TMEM255B: variants seen among roughly 807,000 people sequenced by gnomAD.
TMEM255B encodes the protein transmembrane protein 255B, also known as family with sequence similarity 70, member B.
A neutral mutation model predicts 34.5 loss-of-function variants in TMEM255B; 35 were observed. That is an observed-to-expected ratio of 1.01 (90% CI 0.77 to 1.34). The LOEUF is 1.34. Ranked by LOEUF, TMEM255B falls within the 40% of genes most tolerant of loss-of-function variation. TMEM255B has a pLI of 0.00. For missense variants in TMEM255B, 432 were observed against 433.2 expected (o/e 1.00, Z 0.02); for synonymous variants, 206 against 201.2 (o/e 1.02, Z -0.20).
At chr13:113,762,862 A>G (rs1462248989) in intron 1 of TMEM255B, among the ~76,000 whole-genome samples, 1 of 152,270 alleles carries the variant, frequency 6.6e-6, no homozygotes, top group Non-Finnish European at 1.5e-5. Context: ...TTTGAGCATA[A>G]TATTATATGC....
intron 3 of TMEM255B, among the ~76,000 whole-genome samples, chr13:113,792,612 G>A (rs538707923): frequency 6.6e-6 from 1 of 152,378 alleles, no homozygotes; most frequent in East Asian, 1.9e-4. Flanking sequence ...GGGGTCAGCT[G>A]TTCAAGAGGG....
At chr13:113,762,106 A>G (rs1366416940) in intron 1 of TMEM255B, among the ~76,000 whole-genome samples, 1 of 1,506 alleles carries the variant, frequency 6.6e-4, no homozygotes, top group East Asian at 0.029. Context: ...CCGGGACAGG[A>G]AAAAAAAAAA....
At chr13:113,811,214 TG>T (rs1345832425) in intron 8 of TMEM255B, among the ~76,000 whole-genome samples, 12 of 8,112 alleles carry the variant, frequency 1.5e-3, no homozygotes, top group Non-Finnish European at 2.1e-3. Context: ...CCTGGATCTG[TG>T]GGGGGGGCCG....
chr13:113,767,416 A>G (rs1023022683), intron 2 of TMEM255B, among the ~76,000 whole-genome samples: 18 of 152,242 alleles, frequency 1.2e-4, no homozygotes, highest in African/African-American at 3.9e-4. Flanking sequence ...CAGAAAGGGG[A>G]GCCCAGAGGG....
rs760431839 is a variant in TMEM255B, at chr13:113,801,783, G to A, written c.640G>A (p.Ala214Thr). ...VLGLFLGIIT[A>T]AVLGAFKDMV... ...GGGCCTGTTCCTGGGCATCATCACCGCCGCCGTCCTGGGGGCCTTCAAGGA... is the reference window on the plus strand; with the variant it reads ...GGGCCTGTTCCTGGGCATCATCACCACCGCCGTCCTGGGGGCCTTCAAGGA... Residue 214 changes from alanine to threonine, a missense_variant, in exon 7 of 9, where the codon GCC becomes ACC. Coordinates refer to ENST00000375353, the MANE Select transcript of TMEM255B (RefSeq NM_182614.4). 1.4e-5 allele frequency: 23 copies of A among 1,611,418 alleles called. No homozygotes were observed. Among genetic ancestry groups the A allele is most frequent in the African/African-American group, 2.7e-5 (2 of 74,880 alleles).
intron 3 of TMEM255B, among the ~76,000 whole-genome samples, chr13:113,777,432 T>C (rs1390989951): frequency 6.6e-6 from 1 of 152,208 alleles, no homozygotes; most frequent in Non-Finnish European, 1.5e-5. Flanking sequence ...AGTACAGGGC[T>C]GGACAGTGGC....
intron 1 of TMEM255B, among the ~76,000 whole-genome samples, chr13:113,759,868 A>G (rs2050268484): frequency 6.6e-6 from 1 of 151,972 alleles, no homozygotes; most frequent in Non-Finnish European, 1.5e-5. Context: ...CGGAATCTCC[A>G]ATTCTTCCAC....
intron 3 of TMEM255B, among the ~76,000 whole-genome samples, chr13:113,794,722 C>T (rs2050889650): frequency 6.6e-6 from 1 of 152,186 alleles, no homozygotes. Flanking sequence ...ATTCCTGGCT[C>T]CAAGCTCCAA....
At chr13:113,777,153 C>T (rs1051290879) in intron 3 of TMEM255B, among the ~76,000 whole-genome samples, 4 of 152,150 alleles carry the variant, frequency 2.6e-5, no homozygotes, top group East Asian at 1.9e-4. Context: ...ACAGCCAGAT[C>T]TGTTTCTGTG....
At chr13:113,791,882 A>G (rs968245909) in intron 3 of TMEM255B, among the ~76,000 whole-genome samples, 5 of 152,228 alleles carry the variant, frequency 3.3e-5, no homozygotes, top group African/African-American at 9.6e-5. Flanking sequence ...TGCTGGAAGC[A>G]TGTCTGCAGG....
chr13:113,787,004 T>C (rs2050756601), intron 3 of TMEM255B, among the ~76,000 whole-genome samples: 1 of 152,222 alleles, frequency 6.6e-6, no homozygotes, highest in Admixed American at 6.5e-5. Context: ...CTCCTGGCAA[T>C]GGGCCCCGTA....
intron 3 of TMEM255B, among the ~76,000 whole-genome samples, chr13:113,782,370 AATG>A (rs1440839058): frequency 6.6e-6 from 1 of 152,246 alleles, no homozygotes; most frequent in Non-Finnish European, 1.5e-5. Flanking sequence ...TTAGATTCCA[AATG>A]ATGACAAGTT....
chr13:113,782,801 A>G (rs2050686042), intron 3 of TMEM255B, among the ~76,000 whole-genome samples: 1 of 152,154 alleles, frequency 6.6e-6, no homozygotes, highest in South Asian at 2.1e-4. Flanking sequence ...GTTTAGGACA[A>G]GCTTTTGCCC....
chr13:113,800,848 G>A lies in TMEM255B; in HGVS notation c.445G>A (p.Gly149Ser), dbSNP rs147264445. The A allele has an allele frequency of 2.7e-4, 440 of 1,609,448 alleles. 1 individual carries two copies. The East Asian group carries it at 6.8e-3, about 25-fold the overall frequency. The change falls in exon 6 of 9, where the codon GGC becomes AGC. Residue 149 changes from glycine (G) to serine (S), a missense_variant. Transcript: ENST00000375353. ...QTEVTCHSLD[G>S]KCQLKVRSNT... ...CCAGGTCACCTGTCACTCCCTGGAC[G>A]GCAAGTGCCAGCTGAAGGTGAGAAG...
intron 4 of TMEM255B, among the ~76,000 whole-genome samples, chr13:113,798,753 GTGGA>G (rs2050988934): frequency 6.6e-6 from 1 of 151,166 alleles, no homozygotes. Context: ...TGACAGATGG[GTGGA>G]TGGATGGATG....
Position 113,815,786 on chromosome 13 carries a change from G to T in TMEM255B, c.*3883G>T, listed in dbSNP as rs1164574723. The T allele has an allele frequency of 6.6e-6, 1 of 152,542 alleles. No homozygotes were observed. The highest frequency in any genetic ancestry group is 2.4e-5 in the African/African-American group (1 of 41,386). 9.4% of individuals were successfully genotyped at this position (152,542 alleles called of 1,614,324 possible). ...ACTACAGTGGTCCATCCACACGCGG[G>T]TCTCACCCAGCCACAGAGAGGGAGA... On this transcript the variant is annotated 3_prime_UTR_variant, in exon 9 of 9. Coordinates refer to ENST00000375353, the MANE Select transcript of TMEM255B (RefSeq NM_182614.4).
chr13:113,786,875 C>T (rs1371437522), intron 3 of TMEM255B, among the ~76,000 whole-genome samples: 8 of 152,198 alleles, frequency 5.3e-5, no homozygotes, highest in Non-Finnish European at 1.0e-4. Context: ...GTAGTGGCCT[C>T]TCATTCACTG....
intron 3 of TMEM255B, among the ~76,000 whole-genome samples, chr13:113,788,684 CG>C (rs1302529272): frequency 6.6e-6 from 1 of 152,126 alleles, no homozygotes; most frequent in Non-Finnish European, 1.5e-5. Context: ...GTCATCAGCA[CG>C]GTGTCACCGT....
chr13:113,795,126 C>G (rs760404883), intron 3 of TMEM255B, 22 bp from the exon 4 acceptor site: 1 of 1,612,584 alleles, frequency 6.2e-7, no homozygotes, highest in South Asian at 1.1e-5. Context: ...GCTGGGCACC[C>G]ACACCTCTCC....
Sources: gnomAD v4.1 joint callset for allele counts (sites outside exome capture counted in the v4.1 genomes callset) on GRCh38, gnomAD v4.1.1 for gene constraint, MANE v1.5 for transcripts, NCBI Gene and HGNC (gene_info 2026-07-23, HGNC 2026-07-21) for gene names.